The following CD40 variants were observed in gnomAD, a reference collection of about 807,000 sequenced individuals.
CD40 encodes CD40 molecule.
A neutral mutation model predicts 38.5 loss-of-function variants in CD40; 19 were observed. That is an observed-to-expected ratio of 0.49 (90% CI 0.34 to 0.72). The LOEUF (loss-of-function observed/expected upper bound fraction) is 0.72, where lower values mean the gene tolerates loss of function less well. Ranked by LOEUF, CD40 falls within the 30% of genes least tolerant of loss-of-function variation. The pLI is 0.01. For missense variants in CD40, 256 were observed against 344.1 expected (o/e 0.74, Z 2.03); for synonymous variants, 130 against 128.7 (o/e 1.01, Z -0.07).
In CD40 at chr20:46,127,811, C is replaced by T. The variant is rs11569335; in HGVS notation, c.560-327C>T. 5.6e-4 allele frequency among the ~76,000 whole-genome samples: 86 copies of T among 152,296 alleles called. 3 individuals are homozygous for T. In the South Asian group the frequency reaches 0.018, roughly 31 times the overall value. On this transcript the variant is annotated intron_variant, in intron 6 of 8. Coordinates refer to ENST00000372285, the MANE Select transcript of CD40 (RefSeq NM_001250.6). ...GTGAGCAGGTGGTGACAGCCACTGC[C>T]ACCACTCGCTTCTAGATGGTTCCCA...
chr20:46,127,469 C>T (rs1050282985), intron 6 of CD40, among the ~76,000 whole-genome samples: 1 of 152,186 alleles, frequency 6.6e-6, no homozygotes, highest in Non-Finnish European at 1.5e-5. Context: ...AGGCAGCCAG[C>T]CTGCAGGCCG....
chr20:46,126,526 G>C, intron 5 of CD40, 114 bp from the exon 6 acceptor site: 1 of 1,231,174 alleles, frequency 8.1e-7, no homozygotes, highest in Non-Finnish European at 1.2e-6. Flanking sequence ...CAGTGAACCT[G>C]GATTTGTTGA....
At position 46,123,181 on chromosome 20, in the gene CD40, T is replaced by C. The variant is rs1186901129; in HGVS notation, c.459T>C (p.Asn153=). The C allele has an allele frequency of 1.9e-6, 3 of 1,614,126 alleles. No individual in the cohort carries two copies. In the Admixed American group the frequency reaches 5.0e-5, roughly 27 times the overall value. ...CCTGCCCAGTCGGCTTCTTCTCCAATGTGTCATCTGCTTTCGAAAAATGTC... is the reference window on the plus strand; with the variant it reads ...CCTGCCCAGTCGGCTTCTTCTCCAACGTGTCATCTGCTTTCGAAAAATGTC... ...CEPCPVGFFS[N]VSSAFEKCHP... is the part of the protein sequence containing the mutation. Residue 153 remains asparagine, a synonymous_variant, in exon 5 of 9, where the codon AAT becomes AAC. Transcript: ENST00000372285.
intron 5 of CD40, among the ~76,000 whole-genome samples, chr20:46,125,966 A>C (rs564996931): frequency 6.6e-6 from 1 of 152,286 alleles, no homozygotes; most frequent in East Asian, 1.9e-4. Flanking sequence ...GCGGGACTGC[A>C]CTGCTGATCC....
Position 46,122,516 on chromosome 20 carries a change from G to A in CD40, c.257-94G>A. The A allele has an allele frequency of 6.3e-7, 1 of 1,588,104 alleles. No homozygotes were observed. On this transcript the variant is annotated intron_variant, in intron 3 of 8. Transcript: ENST00000372285. This position sits in a 1 kb window ranked among gnomAD's most constrained non-coding sequence, Gnocchi z 5.0. ...TTGATTGCCATCTCTACTTGGAAGA[G>A]GGTCTGAGGAAGAAAGAGCAGGCAA...
intron 5 of CD40, 62 bp downstream of exon 5, chr20:46,123,281 C>G: frequency 1.7e-6 from 2 of 1,187,818 alleles, no homozygotes; most frequent in South Asian, 2.4e-5. Context: ...CCTCCATTCT[C>G]TCCAGCCACC....
At chr20:46,127,967 G>A in intron 6 of CD40, 171 bp from the exon 7 acceptor site, 1 of 1,271,686 alleles carries the variant, frequency 7.9e-7, no homozygotes, top group Non-Finnish European at 1.1e-6. Context: ...AAATGTTCTG[G>A]CTCCTTTAAA....
At chr20:46,127,191 A>G (rs2085454775) in intron 6 of CD40, 1 of 167,348 alleles carries the variant, frequency 6.0e-6, no homozygotes, top group Non-Finnish European at 1.3e-5. Context: ...CTCAAAATGT[A>G]CTTTCCTCTT....
intron 8 of CD40, chr20:46,128,633 C>T (rs770601285): frequency 1.5e-6 from 1 of 682,592 alleles, no homozygotes; most frequent in South Asian, 1.6e-5. Flanking sequence ...ATCTTTGGGC[C>T]TTGGGGCTGG....
In CD40 at chr20:46,122,337, C is replaced by A. The variant is rs1413770839; in HGVS notation, c.235C>A (p.Gln79Lys). The change falls in exon 3 of 9, where the codon CAG becomes AAG. Residue 79 changes from glutamine (Q) to lysine (K), a missense_variant. Transcript: ENST00000372285. This position sits in a 1 kb window ranked among gnomAD's most constrained non-coding sequence, Gnocchi z 5.0. Reference protein sequence around the residue: ...DTWNRETHCHQHKYCDPNLGL... With the variant: ...DTWNRETHCHKHKYCDPNLGL... ...CTGGAACAGAGAGACACACTGCCAC[C>A]AGCACAAATACTGCGACCCCAGTGC... 3 of 1,614,188 alleles carry A rather than the reference C, an allele frequency of 1.9e-6. No homozygotes were observed.
intron 8 of CD40, 163 bp downstream of exon 8, chr20:46,128,521 C>A: frequency 1.2e-6 from 1 of 803,610 alleles, no homozygotes; most frequent in Non-Finnish European, 2.1e-6. Flanking sequence ...CTCCTTCCAT[C>A]CAGAGCTCAA....
In CD40 at chr20:46,122,783, T is replaced by A; in HGVS notation, c.403+27T>A. ...TAAGTGGCTCATCTGGGAATCAGTT[T>A]TGGAGGGGGACAGAGGAGCTTAGGG... On this transcript the variant is annotated intron_variant, in intron 4 of 8. Coordinates refer to ENST00000372285, the MANE Select transcript of CD40 (RefSeq NM_001250.6). This position sits in a 1 kb window ranked among gnomAD's most constrained non-coding sequence, Gnocchi z 5.0. 3 of 1,613,764 alleles carry A rather than the reference T, an allele frequency of 1.9e-6. No homozygotes were observed. The highest frequency in any genetic ancestry group is 2.5e-6 in the Non-Finnish European group (3 of 1,179,778).
chr20:46,126,392 A>G (rs2085436481), intron 5 of CD40, among the ~76,000 whole-genome samples: 1 of 151,626 alleles, frequency 6.6e-6, no homozygotes. Context: ...CTCATTATAG[A>G]CTCCCCTATT....
intron 5 of CD40, among the ~76,000 whole-genome samples, chr20:46,123,442 CATGAGAGCCTCCT>C (rs1327983260): frequency 6.6e-6 from 1 of 152,240 alleles, no homozygotes; most frequent in Non-Finnish European, 1.5e-5. Context: ...TCTCTCGCTT[CATGAGAGCCTCCT>C]ATCTTGGGGG....
intron 1 of CD40, among the ~76,000 whole-genome samples, chr20:46,120,824 G>C (rs2085303743): frequency 6.6e-6 from 1 of 152,194 alleles, no homozygotes; most frequent in Non-Finnish European, 1.5e-5. Flanking sequence ...CAGCACTTTG[G>C]GAGGCCAAGG....
intron 1 of CD40, among the ~76,000 whole-genome samples, chr20:46,118,643 A>G (rs2145580966): frequency 6.6e-6 from 1 of 152,212 alleles, no homozygotes; most frequent in African/African-American, 2.4e-5. Flanking sequence ...AAGCGTGCCT[A>G]GACGGCCTGG....
intron 1 of CD40, among the ~76,000 whole-genome samples, chr20:46,120,370 G>A (rs1392205820): frequency 6.6e-6 from 1 of 152,230 alleles, no homozygotes; most frequent in Non-Finnish European, 1.5e-5. Flanking sequence ...AAAATAACTA[G>A]TAAGTGTTAC....
Position 46,126,866 on chromosome 20 carries a change from C to T in CD40, c.559+165C>T, listed in dbSNP as rs577059887. ...TCTTGGGAGTCTGGGCAAATCACTTCCCCTCTCTTAGCCTCAGTTTCTTCA... is the reference window on the plus strand; with the variant it reads ...TCTTGGGAGTCTGGGCAAATCACTTTCCCTCTCTTAGCCTCAGTTTCTTCA... On this transcript the variant is annotated intron_variant, in intron 6 of 8. Coordinates refer to ENST00000372285, the MANE Select transcript of CD40 (RefSeq NM_001250.6). 147 of 1,133,052 alleles carry T rather than the reference C, an allele frequency of 1.3e-4. 2 individuals are homozygous for T. In the South Asian group the frequency reaches 1.8e-3, roughly 14 times the overall value. 70.2% of individuals were successfully genotyped at this position (1,133,052 alleles called of 1,614,324 possible).
chr20:46,118,326 G>A lies in CD40; in HGVS notation c.-18G>A. Reference sequence around the variant, plus strand: ...CGCTCGGGCGCCCAGTGGTCCTGCCGCCTGGTCTCACCTCGCTATGGTTCG... The same window carrying A: ...CGCTCGGGCGCCCAGTGGTCCTGCCACCTGGTCTCACCTCGCTATGGTTCG... On this transcript the variant is annotated 5_prime_UTR_variant, in exon 1 of 9. Coordinates refer to ENST00000372285, the MANE Select transcript of CD40 (RefSeq NM_001250.6). 8 of 1,613,146 alleles carry A rather than the reference G, an allele frequency of 5.0e-6. No individual in the cohort carries two copies. Among genetic ancestry groups the A allele is most frequent in the Non-Finnish European group, 6.8e-6 (8 of 1,179,738 alleles).
Sources: gnomAD v4.1 joint callset for allele counts (sites outside exome capture counted in the v4.1 genomes callset) on GRCh38, gnomAD v4.1.1 for gene constraint, Gnocchi (gnomAD v3.1) non-coding constraint, MANE v1.5 for transcripts, NCBI Gene and HGNC (gene_info 2026-07-23, HGNC 2026-07-21) for gene names.